ADAMTS12: variants seen among roughly 807,000 people sequenced by gnomAD.
The protein encoded by ADAMTS12 is A disintegrin and metalloproteinase with thrombospondin motifs 12.
In ADAMTS12, 118 loss-of-function variants were observed where a neutral mutation model predicts 167.8. That is an observed-to-expected ratio of 0.70 (90% CI 0.61 to 0.82). ADAMTS12 has a LOEUF of 0.82. Ranked by LOEUF, ADAMTS12 falls within the 40% of genes least tolerant of loss-of-function variation. ADAMTS12 has a pLI of 0.00. For missense variants in ADAMTS12, 1,916 were observed against 1,998.8 expected (o/e 0.96, Z 0.79); for synonymous variants, 704 against 716.9 (o/e 0.98, Z 0.29).
intron 3 of ADAMTS12, among the ~76,000 whole-genome samples, chr5:33,712,414 G>A (rs1405180404): frequency 2.6e-5 from 4 of 152,122 alleles, no homozygotes; most frequent in African/African-American, 9.7e-5. Context: ...AACTTGGGCA[G>A]GGAGAAGAAC....
intron 2 of ADAMTS12, among the ~76,000 whole-genome samples, chr5:33,802,954 G>C (rs994212957): frequency 6.6e-6 from 1 of 152,150 alleles, no homozygotes; most frequent in Non-Finnish European, 1.5e-5. Flanking sequence ...CTAGGTACTT[G>C]AGATCCAAAC....
chr5:33,609,111 G>A (rs1332467942), intron 16 of ADAMTS12, among the ~76,000 whole-genome samples: 2 of 152,124 alleles, frequency 1.3e-5, no homozygotes, highest in Non-Finnish European at 2.9e-5. Context: ...GTGCCAACAA[G>A]GAGGGGTTGT....
chr5:33,754,727 G>A lies in ADAMTS12; in HGVS notation c.490-3179C>T, dbSNP rs11948779. On this transcript the variant is annotated intron_variant, in intron 2 of 23. Coordinates refer to ENST00000504830, the MANE Select transcript of ADAMTS12 (RefSeq NM_030955.4). ...AAAAATTAGCCAGGTGTGGTGGCACGTGCCTGTAATCCCAGCTACTTGGGA... is the reference window on the plus strand; with the variant it reads ...AAAAATTAGCCAGGTGTGGTGGCACATGCCTGTAATCCCAGCTACTTGGGA... Among the ~76,000 whole-genome samples the A allele has an allele frequency of 2.5e-3, 373 of 152,108 alleles. 1 individual carries two copies. The highest frequency in any genetic ancestry group is 8.5e-3 in the African/African-American group (352 of 41,484).
intron 2 of ADAMTS12, among the ~76,000 whole-genome samples, chr5:33,756,993 A>C (rs1196225704): frequency 2.0e-5 from 3 of 152,200 alleles, no homozygotes; most frequent in Non-Finnish European, 4.4e-5. Flanking sequence ...ATTTTATTTA[A>C]ATTTAATTAG....
intron 14 of ADAMTS12, among the ~76,000 whole-genome samples, chr5:33,622,389 C>T (rs1739380633): frequency 6.6e-6 from 1 of 152,232 alleles, no homozygotes; most frequent in Non-Finnish European, 1.5e-5. Flanking sequence ...GTCCCAGTGG[C>T]TCATGCCTGT....
chr5:33,571,653 C>A (rs922943785), intron 19 of ADAMTS12, among the ~76,000 whole-genome samples: 1 of 150,748 alleles, frequency 6.6e-6, no homozygotes, highest in African/African-American at 2.4e-5. Flanking sequence ...CAGGAAAGAT[C>A]CAAAATTGAC....
At chr5:33,648,683 A>G (rs1740766648) in intron 9 of ADAMTS12, 139 bp downstream of exon 9, 2 of 1,087,874 alleles carry the variant, frequency 1.8e-6, no homozygotes, top group African/African-American at 1.6e-5. Context: ...GTTTTCCCTT[A>G]CAGACACACC....
At chr5:33,819,099 A>G (rs1747777963) in intron 2 of ADAMTS12, among the ~76,000 whole-genome samples, 1 of 151,620 alleles carries the variant, frequency 6.6e-6, no homozygotes, top group Admixed American at 6.6e-5. Context: ...ATGTGGTCCT[A>G]TTTATTTATT....
intron 5 of ADAMTS12, among the ~76,000 whole-genome samples, chr5:33,675,296 A>G (rs1299448501): frequency 6.6e-6 from 1 of 152,320 alleles, no homozygotes; most frequent in East Asian, 1.9e-4. Flanking sequence ...AGGTTGGACC[A>G]TCTAAATATA....
chr5:33,568,063 T>A (rs1451643069), intron 19 of ADAMTS12, among the ~76,000 whole-genome samples: 1 of 152,176 alleles, frequency 6.6e-6, no homozygotes, highest in South Asian at 2.1e-4. Flanking sequence ...ATGAGAGAAT[T>A]TATGCTCATT....
chr5:33,688,077 T>C (rs1478345818), intron 3 of ADAMTS12, among the ~76,000 whole-genome samples: 1 of 152,172 alleles, frequency 6.6e-6, no homozygotes, highest in Non-Finnish European at 1.5e-5. Context: ...TAGAAAAACA[T>C]CTTCTTTGGC....
At chr5:33,808,668 A>G (rs768755787) in intron 2 of ADAMTS12, among the ~76,000 whole-genome samples, 3 of 152,244 alleles carry the variant, frequency 2.0e-5, no homozygotes, top group African/African-American at 4.8e-5. Flanking sequence ...AAGCATGTCT[A>G]TTTACATACA....
chr5:33,871,586 G>GA (rs1029275171), intron 2 of ADAMTS12, among the ~76,000 whole-genome samples: 3 of 146,684 alleles, frequency 2.0e-5, no homozygotes, highest in African/African-American at 5.0e-5. Context: ...TAGGTAACTA[G>GA]AAAAAAAAAG....
At chr5:33,817,669 A>C (rs1037426746) in intron 2 of ADAMTS12, among the ~76,000 whole-genome samples, 2 of 152,136 alleles carry the variant, frequency 1.3e-5, no homozygotes, top group African/African-American at 4.8e-5. Flanking sequence ...ATGTCATCAG[A>C]AAATATTTGA....
At chr5:33,745,828 C>T (rs1046712060) in intron 3 of ADAMTS12, among the ~76,000 whole-genome samples, 2 of 152,148 alleles carry the variant, frequency 1.3e-5, no homozygotes, top group South Asian at 2.1e-4. Flanking sequence ...GTGTTGGTCT[C>T]GAATTTTATT....
chr5:33,634,743 C>T (rs892027221), intron 12 of ADAMTS12, among the ~76,000 whole-genome samples: 1 of 151,508 alleles, frequency 6.6e-6, no homozygotes, highest in Non-Finnish European at 1.5e-5. Flanking sequence ...TATAAGAAGG[C>T]ATTAAAATGA....
chr5:33,740,161 T>A (rs1475053651), intron 3 of ADAMTS12, among the ~76,000 whole-genome samples: 5 of 152,194 alleles, frequency 3.3e-5, no homozygotes, highest in African/African-American at 1.2e-4. Flanking sequence ...TTCCAGTCCA[T>A]TTCTCTTTCA....
intron 2 of ADAMTS12, among the ~76,000 whole-genome samples, chr5:33,757,139 G>C (rs1423810119): frequency 6.6e-6 from 1 of 152,014 alleles, no homozygotes; most frequent in Non-Finnish European, 1.5e-5. Context: ...CTGTCATCAG[G>C]GCCAATTTAA....
intron 20 of ADAMTS12, among the ~76,000 whole-genome samples, chr5:33,555,207 C>T (rs1365936073): frequency 6.6e-6 from 1 of 152,130 alleles, no homozygotes; most frequent in Non-Finnish European, 1.5e-5. Context: ...ATTATTATCT[C>T]TTACTACATT....
Sources: gnomAD v4.1 joint callset for allele counts (sites outside exome capture counted in the v4.1 genomes callset) on GRCh38, gnomAD v4.1.1 for gene constraint, MANE v1.5 for transcripts, NCBI Gene and HGNC (gene_info 2026-07-23, HGNC 2026-07-21) for gene names.